The following NRG1 variants were observed in gnomAD, a reference collection of about 807,000 sequenced individuals.
NRG1 encodes pro-neuregulin-1, membrane-bound isoform.
NRG1 carries 18 observed loss-of-function variants against 63.8 expected under a neutral mutation model. The observed-to-expected ratio is 0.28, with a 90% CI of 0.19 to 0.42. NRG1 has a LOEUF of 0.42. NRG1 is among the 10% of genes least tolerant of loss of function. The pLI is 1.00. For synonymous variants in NRG1, 302 were observed against 301.3 expected (o/e 1.00, Z -0.02); for missense variants, 762 against 814.7 (o/e 0.94, Z 0.79).
intron 1 of NRG1, among the ~76,000 whole-genome samples, chr8:32,052,801 G>A (rs1822200067): frequency 6.6e-6 from 1 of 152,112 alleles, no homozygotes; most frequent in Admixed American, 6.6e-5. Context: ...TAATAGTTAT[G>A]TTCTCTCATA....
chr8:31,979,746 T>C (rs1283423928), intron 1 of NRG1, among the ~76,000 whole-genome samples: 1 of 152,060 alleles, frequency 6.6e-6, no homozygotes, highest in Non-Finnish European at 1.5e-5. Flanking sequence ...CTGTTAATAA[T>C]GAACAAATAT....
At chr8:31,982,613 G>A (rs1308401034) in intron 1 of NRG1, among the ~76,000 whole-genome samples, 1 of 152,046 alleles carries the variant, frequency 6.6e-6, no homozygotes, top group African/African-American at 2.4e-5. Context: ...GGAGAGGCAG[G>A]TAGGGGCCAA....
At chr8:32,184,625 G>A (rs2132133013) in intron 1 of NRG1, among the ~76,000 whole-genome samples, 1 of 151,716 alleles carries the variant, frequency 6.6e-6, no homozygotes, top group East Asian at 1.9e-4. Context: ...GAAAGCATCT[G>A]GTGATTGAAC....
intron 5 of NRG1, among the ~76,000 whole-genome samples, chr8:32,654,321 A>G (rs1267350212): frequency 6.6e-6 from 1 of 152,208 alleles, no homozygotes; most frequent in African/African-American, 2.4e-5. Context: ...CCTATAGCAG[A>G]TGTCTTCTTT....
intron 1 of NRG1, among the ~76,000 whole-genome samples, chr8:32,309,738 C>G (rs4133926): frequency 2.0e-5 from 3 of 152,220 alleles, no homozygotes; most frequent in Non-Finnish European, 2.9e-5. Flanking sequence ...ACTACACTTG[C>G]TAAGTTCAGA....
chr8:31,737,779 C>G (rs1460044369), intron 1 of NRG1, among the ~76,000 whole-genome samples: 1 of 152,082 alleles, frequency 6.6e-6, no homozygotes, highest in Non-Finnish European at 1.5e-5. Flanking sequence ...TCTATGGCAC[C>G]TAGTCCCCTA....
intron 1 of NRG1, among the ~76,000 whole-genome samples, chr8:31,949,384 C>T (rs1803121714): frequency 6.6e-6 from 1 of 152,108 alleles, no homozygotes; most frequent in African/African-American, 2.4e-5. Context: ...ACTTCTTTAC[C>T]TCCCATTTGT....
chr8:32,695,270 G>C (rs1259830599), intron 5 of NRG1, among the ~76,000 whole-genome samples: 2 of 152,098 alleles, frequency 1.3e-5, no homozygotes, highest in Non-Finnish European at 2.9e-5. Context: ...GGACCTGGGA[G>C]TTCAAGGCTG....
chr8:32,072,794 C>T (rs765449386), intron 1 of NRG1, among the ~76,000 whole-genome samples: 6 of 152,008 alleles, frequency 3.9e-5, no homozygotes, highest in Non-Finnish European at 7.4e-5. Flanking sequence ...TCTGAGAAAC[C>T]AGGAGTTTAC....
intron 1 of NRG1, among the ~76,000 whole-genome samples, chr8:31,655,622 C>A (rs1351129748): frequency 5.3e-5 from 8 of 152,154 alleles, no homozygotes; most frequent in Admixed American, 5.2e-4. Flanking sequence ...AACAGGGGAA[C>A]CCAATGAAGG....
At chr8:31,962,590 C>A (rs923244986) in intron 1 of NRG1, among the ~76,000 whole-genome samples, 1 of 152,068 alleles carries the variant, frequency 6.6e-6, no homozygotes. Flanking sequence ...TTGGAGTTTT[C>A]TATATTTTCA....
intron 1 of NRG1, among the ~76,000 whole-genome samples, chr8:31,895,189 A>G (rs543580314): frequency 4.1e-4 from 63 of 152,144 alleles, no homozygotes; most frequent in Non-Finnish European, 8.8e-4. Context: ...ATAGATTTTG[A>G]TATGTTTTGT....
At chr8:31,799,840 T>C (rs1480431195) in intron 1 of NRG1, among the ~76,000 whole-genome samples, 9 of 152,284 alleles carry the variant, frequency 5.9e-5, no homozygotes, top group African/African-American at 2.2e-4. Flanking sequence ...TGATCCTTCT[T>C]TCTATTGTAG....
chr8:32,657,493 A>G (rs1324060349), intron 5 of NRG1, among the ~76,000 whole-genome samples: 1 of 152,086 alleles, frequency 6.6e-6, no homozygotes, highest in Non-Finnish European at 1.5e-5. Context: ...TTCTCACTGG[A>G]TGGTTAGTGG....
At position 32,321,297 on chromosome 8, in the gene NRG1, G is replaced by A. The variant is rs553614147; in HGVS notation, c.38-274531G>A. Among the ~76,000 whole-genome samples, 26 of 152,144 alleles carry A rather than the reference G, an allele frequency of 1.7e-4. No individual in the cohort carries two copies. The South Asian group carries it at 4.4e-3, about 25-fold the overall frequency. ...ATAACTTGTCTTACTCCCAAATTTA[G>A]CAATATCTTTTTAGCTTATTGATGG... On this transcript the variant is annotated intron_variant, in intron 1 of 10. Transcript: ENST00000519301.
chr8:32,726,312 C>T (rs942292709), intron 5 of NRG1, among the ~76,000 whole-genome samples: 1 of 152,064 alleles, frequency 6.6e-6, no homozygotes, highest in Admixed American at 6.6e-5. Context: ...TGCTATTATT[C>T]ATTGAATGCC....
At chr8:32,353,391 A>G (rs2129479968) in intron 1 of NRG1, among the ~76,000 whole-genome samples, 1 of 151,848 alleles carries the variant, frequency 6.6e-6, no homozygotes, top group African/African-American at 2.4e-5. Flanking sequence ...TAAATTTACA[A>G]TTATAGAGCT....
intron 1 of NRG1, among the ~76,000 whole-genome samples, chr8:31,897,394 C>A (rs554613972): frequency 5.3e-5 from 8 of 152,212 alleles, no homozygotes; most frequent in Non-Finnish European, 1.0e-4. Context: ...TGACAGATAG[C>A]AGACCCTGAA....
chr8:31,677,751 A>G (rs1027573367), intron 1 of NRG1, among the ~76,000 whole-genome samples: 1 of 152,198 alleles, frequency 6.6e-6, no homozygotes, highest in Non-Finnish European at 1.5e-5. Flanking sequence ...AGTTGTCCTC[A>G]AATCCACTAG....
Sources: allele counts gnomAD v4.1 joint callset (sites outside exome capture counted in the v4.1 genomes callset), GRCh38; gene constraint gnomAD v4.1.1; transcripts MANE v1.5; gene names NCBI Gene and HGNC (gene_info 2026-07-23, HGNC 2026-07-21).